CYB5R3: variants seen among roughly 807,000 people sequenced by gnomAD.
CYB5R3 encodes the protein NADH-cytochrome b5 reductase 3.
In CYB5R3, 28 loss-of-function variants were observed where a neutral mutation model predicts 36.5. The observed-to-expected ratio is 0.77, with a 90% CI of 0.57 to 1.05. The LOEUF (loss-of-function observed/expected upper bound fraction) is 1.05, where lower values mean the gene tolerates loss of function less well. CYB5R3 is among the 50% of genes least tolerant of loss of function. CYB5R3 has a pLI of 0.00. For synonymous variants in CYB5R3, 181 were observed against 159.8 expected, an observed-to-expected ratio of 1.13 and a Z score of -1.00; for missense variants, 474 against 408.9, an observed-to-expected ratio of 1.16 and a Z score of -1.37.
chr22:42,628,018 C>T, intron 5 of CYB5R3, 134 bp downstream of exon 5: 1 of 1,314,096 alleles, frequency 7.6e-7, no homozygotes. Flanking sequence ...ACTCAGTTCC[C>T]AGAGAGGGAC....
intron 5 of CYB5R3, 86 bp downstream of exon 5, chr22:42,628,066 A>G (rs1601934528): frequency 1.3e-6 from 2 of 1,570,276 alleles, no homozygotes; most frequent in East Asian, 4.5e-5. Flanking sequence ...ACACAGAGCC[A>G]GGGGCCTGCA....
At chr22:42,634,678 T>G (rs1179018177) in intron 2 of CYB5R3, among the ~76,000 whole-genome samples, 2 of 145,878 alleles carry the variant, frequency 1.4e-5, no homozygotes, top group African/African-American at 2.6e-5. Flanking sequence ...CAGGCTGGAG[T>G]GCAGTGGCAC....
In CYB5R3 at chr22:42,640,392, T is replaced by TATTTATTC. The variant is rs1699304275; in HGVS notation, c.22-3547_22-3546insGAATAAAT. On this transcript the variant is annotated intron_variant, in intron 1 of 8. Transcript: ENST00000352397. Reference sequence around the variant, plus strand: ...TTATTTATTTATTTATTTATTTATTTATTTGAGATGGAGTCTCACTCTATC... The same window carrying TATTTATTC: ...TTATTTATTTATTTATTTATTTATTTATTTATTCATTTGAGATGGAGTCTCACTCTATC... 1.1e-5 allele frequency: 6 copies of TATTTATTC among 540,736 alleles called. No homozygotes were observed. The Admixed American group carries it at 3.1e-4, about 28-fold the overall frequency. 33.5% of individuals were successfully genotyped at this position (540,736 alleles called of 1,614,324 possible).
Position 42,619,850 on chromosome 22 carries a change from G to T in CYB5R3, c.829C>A (p.Pro277Thr). 2 of 1,605,808 alleles carry T rather than the reference G, an allele frequency of 1.2e-6. No homozygotes were observed. The highest frequency in any genetic ancestry group is 4.5e-5 in the East Asian group (2 of 44,576). The change falls in exon 9 of 9, where the codon CCA (proline) becomes ACA (threonine). Residue 277 changes from proline to threonine, a missense_variant. By Grantham distance (38) the Pro-to-Thr change is conservative. Coordinates refer to ENST00000352397, the MANE Select transcript of CYB5R3 (RefSeq NM_000398.7). ...AGGCAGGCGTACTGGATCATGGGTGGGGGGCCACACATCAGCACCAGCGGC... is the reference window on the plus strand; with the variant it reads ...AGGCAGGCGTACTGGATCATGGGTGTGGGGCCACACATCAGCACCAGCGGC... ...EEPLVLMCGP[P>T]PMIQYACLPN...
intron 1 of CYB5R3, among the ~76,000 whole-genome samples, chr22:42,641,778 G>A (rs1278218930): frequency 3.3e-5 from 5 of 151,972 alleles, no homozygotes; most frequent in Admixed American, 2.0e-4. Context: ...GAGCCACAGC[G>A]CCTGGCCAAT....
At chr22:42,649,244 G>C (rs1929658936) in intron 1 of CYB5R3, 51 bp downstream of exon 1, 2 of 843,848 alleles carry the variant, frequency 2.4e-6, no homozygotes, top group East Asian at 9.7e-5. Flanking sequence ...TCGCCGCCGG[G>C]TCCCAGTCCC....
At chr22:42,645,755 T>C (rs183447061) in intron 1 of CYB5R3, among the ~76,000 whole-genome samples, 36 of 152,318 alleles carry the variant, frequency 2.4e-4, no homozygotes, top group Admixed American at 2.1e-3. Flanking sequence ...GGACACTTTC[T>C]GGCCACTAAA....
In CYB5R3 at chr22:42,641,524, C is replaced by A. The variant is rs549404209; in HGVS notation, c.22-4678G>T. 4.6e-5 allele frequency among the ~76,000 whole-genome samples: 7 copies of A among 152,082 alleles called. No homozygotes were observed. The South Asian group carries it at 8.3e-4, about 18-fold the overall frequency. ...TTTTTGAGATGGAGTCTGGCTCTGTCACCCAGGCTGGAGTGCAGTGGTGAG... is the reference window on the plus strand; with the variant it reads ...TTTTTGAGATGGAGTCTGGCTCTGTAACCCAGGCTGGAGTGCAGTGGTGAG... On this transcript the variant is annotated intron_variant, in intron 1 of 8. Transcript: ENST00000352397.
At position 42,619,263 on chromosome 22, in the gene CYB5R3, C is replaced by G. The variant is rs1186679809; in HGVS notation, c.*510G>C. ...GGCCCTGGGGTAGGGAGCAGTGCCCCCAAGAGGGCTTTCTGGTGTCAATGT... is the reference window on the plus strand; with the variant it reads ...GGCCCTGGGGTAGGGAGCAGTGCCCGCAAGAGGGCTTTCTGGTGTCAATGT... On this transcript the variant is annotated 3_prime_UTR_variant, in exon 9 of 9. Coordinates refer to ENST00000352397, the MANE Select transcript of CYB5R3 (RefSeq NM_000398.7). 6.2e-6 allele frequency: 1 copy of G among 162,326 alleles called. No homozygotes were observed. The highest frequency in any genetic ancestry group is 2.4e-5 in the African/African-American group (1 of 41,714). 10.1% of individuals were successfully genotyped at this position (162,326 alleles called of 1,614,324 possible).
At chr22:42,646,575 C>T (rs1315206486) in intron 1 of CYB5R3, 3 of 894,948 alleles carry the variant, frequency 3.4e-6, no homozygotes, top group African/African-American at 3.6e-5. Flanking sequence ...CTGGCAGGCC[C>T]GGTCCTCCCC....
Position 42,649,306 on chromosome 22 carries a change from G to T in CYB5R3, c.10C>A (p.Gln4Lys). 9.8e-7 allele frequency: 1 copy of T among 1,023,500 alleles called. No individual in the cohort carries two copies. Among genetic ancestry groups the T allele is most frequent in the Non-Finnish European group, 1.2e-6 (1 of 850,338 alleles). 63.4% of individuals were successfully genotyped at this position (1,023,500 alleles called of 1,614,324 possible). A position where few individuals can be genotyped will look rare whatever the true frequency, so the allele number is the denominator to read the frequency against. Residue 4 changes from glutamine to lysine, a missense_variant, in exon 1 of 9, where the codon CAG becomes AAG. Physicochemically the swap from Gln to Lys is moderately conservative, Grantham distance 53 (BLOSUM62 1). Coordinates refer to ENST00000352397, the MANE Select transcript of CYB5R3 (RefSeq NM_000398.7). ...CCCTCCCCGCCTACCGTGCTGAGCT[G>T]GGCCCCCATGGTGGCCCCGCGCCGC... MGAQLSTLGHMVLF... is the reference protein window; with the variant it reads MGAKLSTLGHMVLF...
rs1928881159 is a variant in CYB5R3 at position 42,636,204 on chromosome 22, A to T, written c.153+511T>A. 2.0e-5 allele frequency among the ~76,000 whole-genome samples: 3 copies of T among 152,026 alleles called. No homozygotes were observed. In the South Asian group the frequency reaches 6.2e-4, roughly 31 times the overall value. On this transcript the variant is annotated intron_variant, in intron 2 of 8. Transcript: ENST00000352397. ...TGCACTCCAGCCTGGGACACAGGGC[A>T]AGACTCTGTCTCAAAAAAAAAAAAG...
Position 42,627,440 on chromosome 22 carries a change from AG to A in CYB5R3, c.548-52del, listed in dbSNP as rs766818394. 7.0e-6 allele frequency: 11 copies of A among 1,582,030 alleles called. No homozygotes were observed. The Admixed American group carries it at 1.9e-4, about 27-fold the overall frequency. Reference sequence around the variant, plus strand: ...CACGTGCTGAGCGAGGCCTGTTCACAGGCACCGCCCCGCCCAGGTGTACTGG... The same window carrying A: ...CACGTGCTGAGCGAGGCCTGTTCACAGCACCGCCCCGCCCAGGTGTACTGG... On this transcript the variant is annotated intron_variant, in intron 6 of 8. Transcript: ENST00000352397.
chr22:42,618,795 C>T lies in CYB5R3; in HGVS notation c.*978G>A, dbSNP rs974703801. ...CCTTGTGTTGCAGGTCACAGACCCT[C>T]GAGGAGCTAGAGAAGGGTTAATATT... is the stretch of plus-strand genomic sequence containing the variant. On this transcript the variant is annotated 3_prime_UTR_variant, in exon 9 of 9. Transcript: ENST00000352397. The T allele has an allele frequency of 4.6e-5, 7 of 150,648 alleles. No individual in the cohort carries two copies. Among genetic ancestry groups the T allele is most frequent in the East Asian group, 1.9e-4 (1 of 5,174 alleles). The allele number at this position is 150,648 out of a possible 1,614,324, so 9.3% of individuals were successfully genotyped here.
intron 8 of CYB5R3, among the ~76,000 whole-genome samples, chr22:42,620,249 G>A (rs865879636): frequency 3.7e-4 from 56 of 152,304 alleles, no homozygotes; most frequent in Middle Eastern, 3.4e-3. Context: ...TGGACAGGGC[G>A]GGGAATATGA....
intron 8 of CYB5R3, among the ~76,000 whole-genome samples, chr22:42,620,383 G>A (rs1487687884): frequency 1.3e-5 from 2 of 152,042 alleles, no homozygotes; most frequent in African/African-American, 2.4e-5. Flanking sequence ...CCCCAGGCTG[G>A]TGCTCTGCCC....
intron 7 of CYB5R3, among the ~76,000 whole-genome samples, chr22:42,624,610 G>A (rs946742317): frequency 9.8e-5 from 5 of 50,858 alleles, no homozygotes; most frequent in African/African-American, 4.4e-4. Context: ...CCCCACCCCC[G>A]TTCCACCTCT....
chr22:42,624,981 G>A (rs11702936), intron 7 of CYB5R3, among the ~76,000 whole-genome samples: 3 of 152,182 alleles, frequency 2.0e-5, no homozygotes, highest in African/African-American at 7.2e-5. Flanking sequence ...ACACATCCCA[G>A]GGAACACGGG....
At chr22:42,633,921 TA>T (rs1928744912) in intron 2 of CYB5R3, among the ~76,000 whole-genome samples, 1 of 151,974 alleles carries the variant, frequency 6.6e-6, no homozygotes, top group Non-Finnish European at 1.5e-5. Flanking sequence ...GACCTTGTTC[TA>T]AAAAAACACA....
Sources: gnomAD v4.1 joint callset for allele counts (sites outside exome capture counted in the v4.1 genomes callset) on GRCh38, gnomAD v4.1.1 for gene constraint, MANE v1.5 for transcripts, NCBI Gene and HGNC (gene_info 2026-07-23, HGNC 2026-07-21) for gene names.